The following NRAP variants were observed in gnomAD, a reference collection of about 807,000 sequenced individuals.
NRAP encodes nebulin-related-anchoring protein.
NRAP carries 189 observed loss-of-function variants against 225.9 expected under a neutral mutation model. The observed-to-expected ratio is 0.84, with a 90% CI of 0.74 to 0.94. The LOEUF is 0.94. NRAP is among the 40% of genes least tolerant of loss of function. NRAP has a pLI of 0.00. For missense variants in NRAP, 2,176 were observed against 2,168.7 expected (o/e 1.00, Z -0.07); for synonymous variants, 769 against 790.7 (o/e 0.97, Z 0.46).
chr10:113,657,391 AG>A (rs1850373477), intron 4 of NRAP, 78 bp downstream of exon 4: 1 of 785,370 alleles, frequency 1.3e-6, no homozygotes, highest in African/African-American at 1.7e-5. Context: ...TTTCTCTAGA[AG>A]TAATAATAAT....
At chr10:113,597,884 T>A in intron 36 of NRAP, 85 bp downstream of exon 36, 1 of 1,001,808 alleles carries the variant, frequency 1.0e-6, no homozygotes, top group Non-Finnish European at 1.6e-6. Context: ...GTCCTTTGGG[T>A]TCTCCACTCC....
At position 113,605,833 on chromosome 10, in the gene NRAP, G is replaced by A; in HGVS notation, c.3844C>T (p.Gln1282Ter). 6.2e-7 allele frequency: 1 copy of A among 1,614,104 alleles called. No homozygotes were observed. The highest frequency in any genetic ancestry group is 8.5e-7 in the Non-Finnish European group (1 of 1,179,962). ...YKESWRNLRAQGYKLTIEALP... is the reference protein window; with the variant it reads ...YKESWRNLRA ...GCTTCTATTGTCAGCTTGTAGCCTT[G>A]AGCACGAAGATTACGCCAGGACTCT... The change falls in exon 34 of 42, where the codon CAA (glutamine) becomes TAA (stop). Residue 1282 changes from glutamine to a stop codon, truncating the protein, a stop_gained. Transcript: ENST00000359988. LOFTEE classifies it high-confidence loss of function.
intron 32 of NRAP, among the ~76,000 whole-genome samples, chr10:113,607,399 C>CAAAAAAAAAAAAAAAAAAAAAAA (rs543627940): frequency 6.6e-4 from 45 of 68,604 alleles, no homozygotes; most frequent in Non-Finnish European, 8.8e-4. Context: ...GAAACTCCGT[C>CAAAAAAAAAAAAAAAAAAAAAAA]AAAAAAAAAA....
chr10:113,604,869 G>A lies in NRAP; in HGVS notation c.3967C>T (p.Gln1323Ter). Reference sequence around the variant, plus strand: ...ATCCGGGGGTCGTCTCTTACACTCTGGGGCCCTATGAGTTTCCCTCGCTCC... The same window carrying A: ...ATCCGGGGGTCGTCTCTTACACTCTAGGGCCCTATGAGTTTCCCTCGCTCC... ...VKERGKLIGPQSVRDDPRIQH... is the reference protein window; with the variant it reads ...VKERGKLIGP The change falls in exon 35 of 42, where the codon CAG becomes TAG. Residue 1323 changes from glutamine (Q) to a stop codon, truncating the protein, a stop_gained. Coordinates refer to ENST00000359988, the MANE Select transcript of NRAP (RefSeq NM_198060.4). LOFTEE classifies it high-confidence loss of function. 6.2e-7 allele frequency: 1 copy of A among 1,614,146 alleles called. No homozygotes were observed.
chr10:113,633,503 A>G (rs1353998471), intron 15 of NRAP, among the ~76,000 whole-genome samples: 1 of 152,216 alleles, frequency 6.6e-6, no homozygotes, highest in African/African-American at 2.4e-5. Context: ...AGTGCTGAAT[A>G]TCTTGTTATA....
intron 4 of NRAP, among the ~76,000 whole-genome samples, chr10:113,655,217 C>CT (rs769005678): frequency 9.2e-5 from 14 of 152,260 alleles, no homozygotes; most frequent in Non-Finnish European, 1.8e-4. Flanking sequence ...CACACACTGC[C>CT]TTTGGGAGTA....
chr10:113,625,447 C>T (rs1848230272), intron 21 of NRAP, among the ~76,000 whole-genome samples: 1 of 152,312 alleles, frequency 6.6e-6, no homozygotes, highest in African/African-American at 2.4e-5. Flanking sequence ...TTCCTCTCCA[C>T]CCCCAACTTG....
chr10:113,609,768 G>A (rs1386981298), intron 31 of NRAP, among the ~76,000 whole-genome samples: 1 of 152,102 alleles, frequency 6.6e-6, no homozygotes, highest in Non-Finnish European at 1.5e-5. Context: ...AATCAGTGCT[G>A]GCCTGGAATG....
rs77226730 is a variant in NRAP at position 113,633,766 on chromosome 10, G to C, written c.1527+346C>G. Among the ~76,000 whole-genome samples, 1,375 of 152,244 alleles carry C rather than the reference G, an allele frequency of 9.0e-3. 26 individuals are homozygous for C. Among genetic ancestry groups the C allele is most frequent in the African/African-American group, 0.032 (1,310 of 41,518 alleles). On this transcript the variant is annotated intron_variant, in intron 15 of 41. Coordinates refer to ENST00000359988, the MANE Select transcript of NRAP (RefSeq NM_198060.4). The stretch of plus-strand genomic sequence containing the variant: ...TTTTTACCTTTTAGAGATTCATACT[G>C]AAATATTTACAGATTACATTATACA...
At chr10:113,646,895 T>A (rs934150620) in intron 10 of NRAP, 28 bp downstream of exon 10, 2 of 1,465,356 alleles carry the variant, frequency 1.4e-6, no homozygotes. Flanking sequence ...TGCCTCTGGC[T>A]CTGTGGTCAC....
intron 14 of NRAP, among the ~76,000 whole-genome samples, chr10:113,637,815 G>A (rs565625499): frequency 1.3e-5 from 2 of 152,116 alleles, no homozygotes; most frequent in South Asian, 2.1e-4. Context: ...CCAGCTACTC[G>A]GGAGGCTGAG....
At chr10:113,628,210 C>A (rs1359811553) in intron 20 of NRAP, among the ~76,000 whole-genome samples, 1 of 152,108 alleles carries the variant, frequency 6.6e-6, no homozygotes, top group Non-Finnish European at 1.5e-5. Context: ...CTTTCTGAGA[C>A]AGAGTATCGA....
rs928973139 is a variant in NRAP, at chr10:113,618,591, C to T, written c.2875-1038G>A. 2.6e-5 allele frequency among the ~76,000 whole-genome samples: 4 copies of T among 152,356 alleles called. No homozygotes were observed. The East Asian group carries it at 7.7e-4, about 29-fold the overall frequency. ...AGGCTTTCTGACCTCTGCTTTGGAT[C>T]GTAGGTGTGCGTGTGCATTTGTGGC... On this transcript the variant is annotated intron_variant, in intron 25 of 41. Transcript: ENST00000359988.
chr10:113,628,859 C>G, intron 20 of NRAP, 58 bp downstream of exon 20: 1 of 909,088 alleles, frequency 1.1e-6, no homozygotes, highest in Non-Finnish European at 1.7e-6. Context: ...GCAAAGATCA[C>G]CCTGCATGTG....
At chr10:113,621,808 C>T in intron 24 of NRAP, 61 bp downstream of exon 24, 6 of 1,481,450 alleles carry the variant, frequency 4.1e-6, no homozygotes, top group Admixed American at 1.8e-5. Context: ...GAAACACTTG[C>T]ACTAGCACAC....
intron 14 of NRAP, 34 bp from the exon 15 acceptor site, chr10:113,634,244 G>T (rs754038419): frequency 6.9e-7 from 1 of 1,442,012 alleles, no homozygotes; most frequent in Non-Finnish European, 9.8e-7. Flanking sequence ...GATGTCATTT[G>T]CTCTTTTCTC....
Position 113,650,076 on chromosome 10 carries a change from C to T in NRAP, c.849G>A (p.Glu283=). ...RGMAGPAIGA[E]GILTRECADQ... Reference sequence around the variant, plus strand: ...CTGCACATTCCCTTGTCAAGATGCCCTCAGCTCCAATGGCTGGACCAGCCA... The same window carrying T: ...CTGCACATTCCCTTGTCAAGATGCCTTCAGCTCCAATGGCTGGACCAGCCA... The change falls in exon 9 of 42, where the codon GAG becomes GAA. Residue 283 remains glutamate (E), a synonymous_variant. Transcript: ENST00000359988. 2 of 1,611,884 alleles carry T rather than the reference C, an allele frequency of 1.2e-6. No homozygotes were observed. Among genetic ancestry groups the T allele is most frequent in the Non-Finnish European group, 1.7e-6 (2 of 1,178,008 alleles).
At chr10:113,628,798 A>G in intron 20 of NRAP, 119 bp downstream of exon 20, 1 of 640,186 alleles carries the variant, frequency 1.6e-6, no homozygotes. Flanking sequence ...AAGTACTCCC[A>G]CTTTGAATCA....
In NRAP at chr10:113,590,626, C is replaced by T. The variant is rs1008750730; in HGVS notation, c.4908G>A (p.Glu1636=). The change falls in exon 40 of 42, where the codon GAG becomes GAA. Residue 1636 remains glutamate, a synonymous_variant. Transcript: ENST00000359988. ...TCTGAGCATGCCTGAGGCCCAGCTGCTCCGGGTCGCAGGTGGGCTGGGGCA... is the reference window on the plus strand; with the variant it reads ...TCTGAGCATGCCTGAGGCCCAGCTGTTCCGGGTCGCAGGTGGGCTGGGGCA... ...QPLPQPTCDP[E]QLGLRHAQKA... The T allele has an allele frequency of 3.1e-6, 5 of 1,613,694 alleles. No homozygotes were observed. Among genetic ancestry groups the T allele is most frequent in the Non-Finnish European group, 1.7e-6 (2 of 1,179,994 alleles).
Sources: allele counts gnomAD v4.1 joint callset (sites outside exome capture counted in the v4.1 genomes callset), GRCh38; gene constraint gnomAD v4.1.1; transcripts MANE v1.5; gene names NCBI Gene and HGNC (gene_info 2026-07-23, HGNC 2026-07-21).